Variants in ALDH1A3 observed in about 807,000 individuals in gnomAD.
ALDH1A3 encodes the protein aldehyde dehydrogenase 1 family member A3.
In ALDH1A3, 28 loss-of-function variants were observed where a neutral mutation model predicts 57.5. The observed-to-expected ratio is 0.49, with a 90% CI of 0.36 to 0.67. ALDH1A3 has a LOEUF of 0.67. ALDH1A3 is among the 30% of genes least tolerant of loss of function. The pLI is 0.00. For missense variants in ALDH1A3, 507 were observed against 669.4 expected (o/e 0.76, Z 2.68); for synonymous variants, 281 against 264.8 (o/e 1.06, Z -0.59).
intron 7 of ALDH1A3, among the ~76,000 whole-genome samples, chr15:100,897,501 AC>A (rs1375310861): frequency 6.6e-6 from 1 of 152,010 alleles, no homozygotes; most frequent in Non-Finnish European, 1.5e-5. Context: ...CTCATAGCGC[AC>A]CCCTTCACTC....
intron 12 of ALDH1A3, among the ~76,000 whole-genome samples, chr15:100,909,554 T>G (rs1332491475): frequency 2.9e-5 from 4 of 137,084 alleles, no homozygotes; most frequent in Non-Finnish European, 4.7e-5. Context: ...CTCCTCCGTG[T>G]GTGTAAACCC....
intron 4 of ALDH1A3, 27 bp from the exon 5 acceptor site, chr15:100,892,918 C>T (rs1403568459): frequency 1.2e-6 from 2 of 1,611,778 alleles, no homozygotes; most frequent in Non-Finnish European, 1.7e-6. Context: ...TGAGTGTGTC[C>T]TTCCCCACCA....
At chr15:100,897,087 C>T (rs557698684) in intron 7 of ALDH1A3, among the ~76,000 whole-genome samples, 1 of 152,338 alleles carries the variant, frequency 6.6e-6, no homozygotes, top group Non-Finnish European at 1.5e-5. Context: ...ACACCCGCTG[C>T]AATCAGTGTC....
Position 100,900,724 on chromosome 15 carries a change from G to C in ALDH1A3, c.1033G>C (p.Asp345His). The change falls in exon 9 of 13, where the codon GAC (aspartate) becomes CAC (histidine). Residue 345 changes from aspartate to histidine, a missense_variant. Around this residue, in one of 2 missense-constraint regions of ALDH1A3, gnomAD observed 432 missense variants for 608.4 expected, o/e 0.71. Transcript: ENST00000329841. The stretch of plus-strand genomic sequence containing the variant: ...GTATGCCAAGAAACGGCCCGTGGGA[G>C]ACCCCTTCGATGTCAAAACAGAACA... ...VEYAKKRPVG[D>H]PFDVKTEQGP... 6.2e-7 allele frequency: 1 copy of C among 1,614,096 alleles called. No individual in the cohort carries two copies. Among genetic ancestry groups the C allele is most frequent in the Non-Finnish European group, 8.5e-7 (1 of 1,180,010 alleles).
Position 100,907,388 on chromosome 15 carries a change from A to G in ALDH1A3, c.1391+110A>G, listed in dbSNP as rs955651942. On this transcript the variant is annotated intron_variant, in intron 11 of 12. Coordinates refer to ENST00000329841, the MANE Select transcript of ALDH1A3 (RefSeq NM_000693.4). ...TTGTTTACATTGTATATTATATACC[A>G]AGCCCTGTCTCAGTGCTTCCTTCCA... 3 of 1,259,212 alleles carry G rather than the reference A, an allele frequency of 2.4e-6. No homozygotes were observed. The Admixed American group carries it at 7.3e-5, about 31-fold the overall frequency. 78.0% of individuals were successfully genotyped at this position (1,259,212 alleles called of 1,614,324 possible).
At position 100,887,598 on chromosome 15, in the gene ALDH1A3, T is replaced by C. The variant is rs947688043; in HGVS notation, c.231T>C (p.Ala77=). The C allele has an allele frequency of 1.2e-6, 2 of 1,610,534 alleles. No individual in the cohort carries two copies. Among genetic ancestry groups the C allele is most frequent in the Non-Finnish European group, 1.7e-6 (2 of 1,178,294 alleles). ...CCGACGTGGACAAGGCTGTGGAGGC[T>C]GCACAGGTTGCCTTCCAGAGGGGCT... is the stretch of plus-strand genomic sequence containing the variant. The part of the protein sequence containing the change: ...DKPDVDKAVE[A]AQVAFQRGSP... Residue 77 remains alanine (A), a synonymous_variant, in exon 3 of 13, where the codon GCT becomes GCC. Transcript: ENST00000329841. This position sits in a 1 kb window ranked among gnomAD's most constrained non-coding sequence, Gnocchi z 4.6.
chr15:100,889,565 T>A lies in ALDH1A3; in HGVS notation c.345+1853T>A, dbSNP rs1221068831. 6.6e-6 allele frequency among the ~76,000 whole-genome samples: 1 copy of A among 152,202 alleles called. No individual in the cohort carries two copies. Among genetic ancestry groups the A allele is most frequent in the Non-Finnish European group, 1.5e-5 (1 of 68,020 alleles). ...AAAACATTTCTGTTTTCACCCGGCA[T>A]GAGCTCATCGGTCGGCAATGTCCGT... On this transcript the variant is annotated intron_variant, in intron 3 of 12. Coordinates refer to ENST00000329841, the MANE Select transcript of ALDH1A3 (RefSeq NM_000693.4). The surrounding 1 kb of genome is among the most constrained non-coding windows in gnomAD (Gnocchi z 5.1).
Position 100,885,270 on chromosome 15 carries a change from T to C in ALDH1A3, c.103T>C (p.Phe35Leu). ...RNLEVKFTKI[F>L]INNEWHESKS... Reference sequence around the variant, plus strand: ...TTACACTTCCTTTCCTGGTTAGATATTTATCAACAATGAATGGCACGAATC... The same window carrying C: ...TTACACTTCCTTTCCTGGTTAGATACTTATCAACAATGAATGGCACGAATC... Residue 35 changes from phenylalanine to leucine, a missense_variant, in exon 2 of 13, where the codon TTT (phenylalanine) becomes CTT (leucine). Coordinates refer to ENST00000329841, the MANE Select transcript of ALDH1A3 (RefSeq NM_000693.4). The C allele has an allele frequency of 6.2e-7, 1 of 1,609,050 alleles. No homozygotes were observed. The highest frequency in any genetic ancestry group is 8.5e-7 in the Non-Finnish European group (1 of 1,175,402).
rs746016250 is a variant in ALDH1A3 at position 100,898,167 on chromosome 15, G to C, written c.865G>C (p.Val289Leu). ...LELGGKNPCIVCADADLDLAV... is the reference protein window; with the variant it reads ...LELGGKNPCILCADADLDLAV... ...GCTGGGGGGGAAGAACCCCTGCATC[G>C]TGTGTGCGGACGCTGACTGTGAGTC... is the stretch of plus-strand genomic sequence containing the variant. Residue 289 changes from valine to leucine, a missense_variant, in exon 8 of 13, where the codon GTG (valine) becomes CTG (leucine). By Grantham distance (32) the Val-to-Leu change is conservative. Around this residue, in one of 2 missense-constraint regions of ALDH1A3, gnomAD observed 432 missense variants for 608.4 expected, o/e 0.71. Coordinates refer to ENST00000329841, the MANE Select transcript of ALDH1A3 (RefSeq NM_000693.4). 6.2e-7 allele frequency: 1 copy of C among 1,614,086 alleles called. No individual in the cohort carries two copies. Among genetic ancestry groups the C allele is most frequent in the Non-Finnish European group, 8.5e-7 (1 of 1,179,958 alleles).
In ALDH1A3 at chr15:100,893,117, C is replaced by G; in HGVS notation, c.537+111C>G. 1.0e-6 allele frequency: 1 copy of G among 972,220 alleles called. No individual in the cohort carries two copies. Among genetic ancestry groups the G allele is most frequent in the Non-Finnish European group, 1.5e-6 (1 of 659,580 alleles). The allele number at this position is 972,220 out of a possible 1,614,324, so 60.2% of individuals were successfully genotyped here. On this transcript the variant is annotated intron_variant, in intron 5 of 12. Transcript: ENST00000329841. This position sits in a 1 kb window ranked among gnomAD's most constrained non-coding sequence, Gnocchi z 4.8. ...TTTATCTGATTGCACCAGCGTTGAACAAGCATTTTCTTCGTGGCATGGAAC... is the reference window on the plus strand; with the variant it reads ...TTTATCTGATTGCACCAGCGTTGAAGAAGCATTTTCTTCGTGGCATGGAAC...
chr15:100,887,615 A>G lies in ALDH1A3; in HGVS notation c.248A>G (p.Gln83Arg). Residue 83 changes from glutamine (Q) to arginine (R), a missense_variant, in exon 3 of 13, where the codon CAG becomes CGG. By Grantham distance (43) the Gln-to-Arg change is conservative (BLOSUM62 1). Coordinates refer to ENST00000329841, the MANE Select transcript of ALDH1A3 (RefSeq NM_000693.4). This position sits in a 1 kb window ranked among gnomAD's most constrained non-coding sequence, Gnocchi z 4.6. ...GTGGAGGCTGCACAGGTTGCCTTCC[A>G]GAGGGGCTCGCCATGGCGCCGGCTG... ...KAVEAAQVAF[Q>R]RGSPWRRLDA... 13 of 1,611,604 alleles carry G rather than the reference A, an allele frequency of 8.1e-6. No individual in the cohort carries two copies. Among genetic ancestry groups the G allele is most frequent in the Non-Finnish European group, 1.1e-5 (13 of 1,178,778 alleles).
rs761852865 is a variant in ALDH1A3 at position 100,887,647 on chromosome 15, C to T, written c.280C>T (p.Leu94=). The change falls in exon 3 of 13, where the codon CTG becomes TTG. Residue 94 remains leucine (L), a synonymous_variant. Coordinates refer to ENST00000329841, the MANE Select transcript of ALDH1A3 (RefSeq NM_000693.4). The surrounding 1 kb of genome is among the most constrained non-coding windows in gnomAD (Gnocchi z 4.6). ...RGSPWRRLDA[L]SRGRLLHQLA... The stretch of plus-strand genomic sequence containing the variant: ...CTCGCCATGGCGCCGGCTGGATGCC[C>T]TGAGTCGTGGGCGGCTGCTGCACCA... 3.7e-6 allele frequency: 6 copies of T among 1,611,922 alleles called. No homozygotes were observed. Among genetic ancestry groups the T allele is most frequent in the Admixed American group, 1.7e-5 (1 of 59,766 alleles).
chr15:100,891,977 C>G (rs2041654589), intron 3 of ALDH1A3: 2 of 157,766 alleles, frequency 1.3e-5, no homozygotes, highest in Middle Eastern at 6.0e-4. Context: ...GGGGCGCGAC[C>G]CTTCTCGGCT....
chr15:100,893,078 A>G lies in ALDH1A3; in HGVS notation c.537+72A>G. 2.9e-6 allele frequency: 4 copies of G among 1,394,810 alleles called. No homozygotes were observed. The highest frequency in any genetic ancestry group is 1.4e-5 in the African/African-American group (1 of 69,704). 86.4% of individuals were successfully genotyped at this position (1,394,810 alleles called of 1,614,324 possible). A position where few individuals can be genotyped will look rare whatever the true frequency, so the allele number is the denominator to read the frequency against. ...CACTGCCCTGTGTCCTTTGGAATCA[A>G]TTTCTGGTGTGTTTTTATCTGATTG... On this transcript the variant is annotated intron_variant, in intron 5 of 12. Transcript: ENST00000329841. The surrounding 1 kb of genome is among the most constrained non-coding windows in gnomAD (Gnocchi z 4.8).
chr15:100,884,759 C>T (rs2041578968), intron 1 of ALDH1A3, among the ~76,000 whole-genome samples: 1 of 152,056 alleles, frequency 6.6e-6, no homozygotes, highest in Non-Finnish European at 1.5e-5. Flanking sequence ...TGGTGAGATC[C>T]TCCTCAAAGT....
In ALDH1A3 at chr15:100,885,393, G is replaced by T. The variant is rs2041585294; in HGVS notation, c.204+22G>T. 5 of 1,545,448 alleles carry T rather than the reference G, an allele frequency of 3.2e-6. No individual in the cohort carries two copies. The East Asian group carries it at 1.1e-4, about 35-fold the overall frequency. On this transcript the variant is annotated intron_variant, in intron 2 of 12. Coordinates refer to ENST00000329841, the MANE Select transcript of ALDH1A3 (RefSeq NM_000693.4). ...TAAGGTAAATACTTAAAATAAATTT[G>T]CTCTAAGTAATTCAATTATGGATGA...
intron 3 of ALDH1A3, among the ~76,000 whole-genome samples, chr15:100,888,280 A>G (rs1284907156): frequency 2.0e-5 from 3 of 151,730 alleles, no homozygotes; most frequent in Non-Finnish European, 4.4e-5. Flanking sequence ...TATATTTGTA[A>G]CAGAGACAGG....
At chr15:100,885,671 T>TTTA (rs1567167563) in intron 2 of ALDH1A3, among the ~76,000 whole-genome samples, 1 of 151,058 alleles carries the variant, frequency 6.6e-6, no homozygotes, top group African/African-American at 2.4e-5. Context: ...TTTTTTTTTT[T>TTTA]ATCAATTATT....
Position 100,885,254 on chromosome 15 carries a change from C to T in ALDH1A3, c.100-13C>T. 6.3e-7 allele frequency: 1 copy of T among 1,586,654 alleles called. No individual in the cohort carries two copies. Among genetic ancestry groups the T allele is most frequent in the Non-Finnish European group, 8.7e-7 (1 of 1,155,108 alleles). On this transcript the variant is annotated splice_polypyrimidine_tract_variant and intron_variant, in intron 1 of 12. Coordinates refer to ENST00000329841, the MANE Select transcript of ALDH1A3 (RefSeq NM_000693.4). ...ATCTAAACCTAATTGGTTACACTTC[C>T]TTTCCTGGTTAGATATTTATCAACA...
Sources: allele counts gnomAD v4.1 joint callset (sites outside exome capture counted in the v4.1 genomes callset), GRCh38; gene constraint gnomAD v4.1.1; regional missense constraint gnomAD v4.1.1; non-coding constraint Gnocchi (gnomAD v3.1); transcripts MANE v1.5; gene names NCBI Gene and HGNC (gene_info 2026-07-23, HGNC 2026-07-21).